TLN2: variants seen among roughly 807,000 people sequenced by gnomAD.
TLN2 encodes talin 2.
A neutral mutation model predicts 294.7 loss-of-function variants in TLN2; 118 were observed. The observed-to-expected ratio is 0.40, with a 90% confidence interval of 0.34 to 0.47. The LOEUF is 0.47. TLN2 is among the 20% of genes least tolerant of loss of function. The probability of loss-of-function intolerance (pLI) is 0.84; values close to 1 mark genes in which losing one functional copy is unlikely to be tolerated. For missense variants in TLN2, 3,083 were observed against 3,282.2 expected, an observed-to-expected ratio of 0.94 and a Z score of 1.48; for synonymous variants, 1,431 against 1,304.5, an observed-to-expected ratio of 1.10 and a Z score of -2.09.
intron 1 of TLN2, among the ~76,000 whole-genome samples, chr15:62,452,267 G>A (rs935500780): frequency 7.9e-5 from 12 of 152,088 alleles, no homozygotes; most frequent in African/African-American, 2.7e-4. Context: ...TCCTCCCTCC[G>A]CCCTGGCTTT....
At chr15:62,407,681 T>C (rs534662553) in intron 1 of TLN2, among the ~76,000 whole-genome samples, 1 of 151,986 alleles carries the variant, frequency 6.6e-6, no homozygotes, top group Admixed American at 6.5e-5. Flanking sequence ...CTTTGGGAGG[T>C]TAAGGTGGGT....
Position 62,755,597 on chromosome 15 carries a change from C to T in TLN2, c.4542C>T (p.Ala1514=). The change falls in exon 37 of 59, where the codon GCC becomes GCT. Residue 1514 remains alanine, a synonymous_variant. Coordinates refer to ENST00000636159, the MANE Select transcript of TLN2 (RefSeq NM_015059.3). ...CCTTGTGCAATGCCTGCCGCATCGCCTCATCCAAGACGGCCAACCCAGTAG... is the reference window on the plus strand; with the variant it reads ...CCTTGTGCAATGCCTGCCGCATCGCTTCATCCAAGACGGCCAACCCAGTAG... ...TSALCNACRI[A]SSKTANPVAK... The T allele has an allele frequency of 6.2e-7, 1 of 1,614,242 alleles. No individual in the cohort carries two copies. The highest frequency in any genetic ancestry group is 8.5e-7 in the Non-Finnish European group (1 of 1,180,028).
intron 1 of TLN2, among the ~76,000 whole-genome samples, chr15:62,526,924 T>C (rs747282259): frequency 6.6e-6 from 1 of 152,194 alleles, no homozygotes; most frequent in Non-Finnish European, 1.5e-5. Flanking sequence ...TTTGATATTG[T>C]AGCATGTGTG....
At chr15:62,614,016 T>C (rs2048119093) in intron 2 of TLN2, among the ~76,000 whole-genome samples, 1 of 152,194 alleles carries the variant, frequency 6.6e-6, no homozygotes, top group South Asian at 2.1e-4. Flanking sequence ...GGGAAAACTT[T>C]TGAAGCTAAT....
Position 62,783,078 on chromosome 15 carries a change from T to C in TLN2, c.5617-693T>C, listed in dbSNP as rs140265029. Reference sequence around the variant, plus strand: ...CAATGAAACAGAGAAAAATCCTGAGTATCTTCATAATAAAGGCAGAACTTG... The same window carrying C: ...CAATGAAACAGAGAAAAATCCTGAGCATCTTCATAATAAAGGCAGAACTTG... On this transcript the variant is annotated intron_variant, in intron 44 of 58. Transcript: ENST00000636159. Among the ~76,000 whole-genome samples, 40 of 152,272 alleles carry C rather than the reference T, an allele frequency of 2.6e-4. 1 individual carries two copies. The highest frequency in any genetic ancestry group is 3.4e-3 in the Middle Eastern group (1 of 294).
Position 62,454,156 on chromosome 15 carries a change from T to C in TLN2, c.-238+63471T>C, listed in dbSNP as rs192561823. On this transcript the variant is annotated intron_variant, in intron 1 of 58. Transcript: ENST00000636159. ...GCATTTAGTGGCTCATTTTGGCCTT[T>C]TTCTTCCCCTAAGGGATTCTGTGAT... 2.1e-3 allele frequency among the ~76,000 whole-genome samples: 324 copies of C among 152,318 alleles called. 2 individuals carry two copies. Among genetic ancestry groups the C allele is most frequent in the Admixed American group, 8.3e-3 (127 of 15,304 alleles).
intron 22 of TLN2, among the ~76,000 whole-genome samples, chr15:62,713,166 G>C (rs989843765): frequency 6.6e-6 from 1 of 151,478 alleles, no homozygotes; most frequent in East Asian, 1.9e-4. Context: ...CTACTCGGGA[G>C]GCTGAGGCAG....
intron 10 of TLN2, among the ~76,000 whole-genome samples, chr15:62,674,953 T>C (rs1326374450): frequency 4.6e-5 from 7 of 152,238 alleles, no homozygotes; most frequent in Non-Finnish European, 1.0e-4. Flanking sequence ...ACACTGCATG[T>C]GTGCATGGAT....
chr15:62,788,023 A>G (rs1039973473), intron 45 of TLN2, among the ~76,000 whole-genome samples: 9 of 150,360 alleles, frequency 6.0e-5, no homozygotes, highest in Non-Finnish European at 1.3e-4. Context: ...TACAGACTCA[A>G]AAAATGAATT....
At chr15:62,509,884 G>A (rs1220269408) in intron 1 of TLN2, among the ~76,000 whole-genome samples, 2 of 152,158 alleles carry the variant, frequency 1.3e-5, no homozygotes, top group South Asian at 2.1e-4. Flanking sequence ...TTTGGATTCC[G>A]TGTCCACACC....
At chr15:62,391,912 GC>G (rs1375369111) in intron 1 of TLN2, among the ~76,000 whole-genome samples, 2 of 152,270 alleles carry the variant, frequency 1.3e-5, no homozygotes, top group Admixed American at 6.5e-5. Context: ...GCGTCCCGGG[GC>G]TGGGCGCCGA....
At chr15:62,406,862 C>T (rs1440094327) in intron 1 of TLN2, among the ~76,000 whole-genome samples, 1 of 152,118 alleles carries the variant, frequency 6.6e-6, no homozygotes. Flanking sequence ...ATTAGGGACA[C>T]CCTAATGATC....
rs539262799 is a variant in TLN2 at position 62,728,507 on chromosome 15, A to G, written c.3358+1318A>G. Among the ~76,000 whole-genome samples the G allele has an allele frequency of 3.0e-4, 46 of 152,312 alleles. 1 individual carries two copies. The highest frequency in any genetic ancestry group is 3.4e-3 in the Middle Eastern group (1 of 294). On this transcript the variant is annotated intron_variant, in intron 28 of 58. Coordinates refer to ENST00000636159, the MANE Select transcript of TLN2 (RefSeq NM_015059.3). ...TAGGTCAGAGCTTCCCCATGTGTTC[A>G]GTACATTTCTTTCAGCAGTGTATGG...
intron 40 of TLN2, among the ~76,000 whole-genome samples, chr15:62,765,468 C>G (rs1467017314): frequency 1.3e-5 from 2 of 152,168 alleles, no homozygotes; most frequent in Non-Finnish European, 2.9e-5. Flanking sequence ...TTCTGATGAG[C>G]AGGACATCGC....
rs536773615 is a variant in TLN2 at position 62,721,936 on chromosome 15, A to G, written c.2992-417A>G. The stretch of plus-strand genomic sequence containing the variant: ...ACTGGCGAAGTTATTTTGCTTTGTG[A>G]GGTGCGAGGTCATGTTAGCTGTTTT... On this transcript the variant is annotated intron_variant, in intron 25 of 58. Transcript: ENST00000636159. 2.7e-4 allele frequency among the ~76,000 whole-genome samples: 41 copies of G among 152,298 alleles called. 1 individual carries two copies. The South Asian group carries it at 7.5e-3, about 28-fold the overall frequency.
rs2039950279 is a variant in TLN2, at chr15:62,511,754, T to C, written c.-237-77933T>C. ...ATTTCTAGAGATTGGTATATCTAAC[T>C]CAGGATGAGATCATTTATGTTTAAA... On this transcript the variant is annotated intron_variant, in intron 1 of 58. Coordinates refer to ENST00000636159, the MANE Select transcript of TLN2 (RefSeq NM_015059.3). 2.6e-5 allele frequency among the ~76,000 whole-genome samples: 4 copies of C among 152,204 alleles called. No individual in the cohort carries two copies. In the South Asian group the frequency reaches 8.3e-4, roughly 32 times the overall value.
chr15:62,696,839 T>G (rs963320370), intron 14 of TLN2, among the ~76,000 whole-genome samples: 13 of 152,270 alleles, frequency 8.5e-5, no homozygotes, highest in African/African-American at 3.1e-4. Context: ...CGATGAAACA[T>G]CCTCTGTGGT....
chr15:62,775,321 C>T (rs968378235), intron 42 of TLN2, among the ~76,000 whole-genome samples: 3 of 152,132 alleles, frequency 2.0e-5, no homozygotes, highest in Non-Finnish European at 4.4e-5. Context: ...GTATGAGATG[C>T]TCTTTCTGGA....
chr15:62,758,939 C>T (rs2062482370), intron 37 of TLN2, among the ~76,000 whole-genome samples: 1 of 102,196 alleles, frequency 9.8e-6, no homozygotes, highest in Non-Finnish European at 2.1e-5. Flanking sequence ...CCTCTAACCC[C>T]CAAAGTCCAT....
Sources: gnomAD v4.1 joint callset for allele counts (sites outside exome capture counted in the v4.1 genomes callset) on GRCh38, gnomAD v4.1.1 for gene constraint, MANE v1.5 for transcripts, NCBI Gene and HGNC (gene_info 2026-07-23, HGNC 2026-07-21) for gene names.